USP54: variants seen among roughly 807,000 people sequenced by gnomAD.
The protein encoded by USP54 is ubiquitin carboxyl-terminal hydrolase 54.
USP54 carries 87 observed loss-of-function variants against 170.5 expected under a neutral mutation model. The ratio of observed to expected loss-of-function variants is 0.51; its 90% CI spans 0.43 to 0.61. The LOEUF is 0.61. Among genes scored for constraint, USP54 ranks in the 20% least tolerant of loss-of-function variants. The pLI is 0.00. For synonymous variants in USP54, 655 were observed against 742.8 expected (o/e 0.88, Z 1.92); for missense variants, 1,786 against 2,047.8 (o/e 0.87, Z 2.47).
At position 73,500,664 on chromosome 10, in the gene USP54, T is replaced by C. The variant is rs758188274; in HGVS notation, c.4486A>G (p.Arg1496Gly). The C allele has an allele frequency of 1.9e-5, 31 of 1,598,184 alleles. No homozygotes were observed. The Middle Eastern group carries it at 6.6e-4, about 34-fold the overall frequency. The change falls in exon 23 of 24, where the codon AGA (arginine) becomes GGA (glycine). Residue 1496 changes from arginine to glycine, a missense_variant. Arg to Gly is a moderately radical substitution (Grantham distance 125). This residue lies in a region of USP54 where 1,418 missense variants were observed against 1,569.0 expected (regional missense o/e 0.90). Coordinates refer to ENST00000687698, the MANE Select transcript of USP54 (RefSeq NM_001391956.1). ...LMPTMAGEPNRLPGTSRSVQQ... is the reference protein window; with the variant it reads ...LMPTMAGEPNGLPGTSRSVQQ... The stretch of plus-strand genomic sequence containing the variant: ...GATTTGGGGGAGTTACCTGGGAGTC[T>C]ATTGGGCTCCCCTGCCATGGTGGGC...
chr10:73,620,499 T>C (rs942432518), intron 1 of USP54, among the ~76,000 whole-genome samples: 3 of 146,694 alleles, frequency 2.0e-5, no homozygotes, highest in Admixed American at 6.7e-5. Context: ...TTTTTTTTTT[T>C]CTCAGTAGAA....
intron 4 of USP54, among the ~76,000 whole-genome samples, chr10:73,565,134 T>TATC (rs150356327): frequency 0.035 from 5,350 of 152,188 alleles, 152 homozygotes; most frequent in South Asian, 0.12. Context: ...TAATCAGTAG[T>TATC]ATCCCTACTT....
chr10:73,533,549 A>AT (rs201338922), intron 12 of USP54, among the ~76,000 whole-genome samples: 3 of 150,718 alleles, frequency 2.0e-5, no homozygotes, highest in African/African-American at 4.9e-5. Flanking sequence ...AATTCTTGAT[A>AT]TTTAAAAAAA....
intron 1 of USP54, among the ~76,000 whole-genome samples, chr10:73,578,539 G>A (rs2076430600): frequency 6.6e-6 from 1 of 152,142 alleles, no homozygotes; most frequent in African/African-American, 2.4e-5. Context: ...AGCCTCCCGA[G>A]TAGCTGGGAT....
chr10:73,588,600 C>A (rs191323174), intron 1 of USP54, among the ~76,000 whole-genome samples: 1 of 152,202 alleles, frequency 6.6e-6, no homozygotes, highest in South Asian at 2.1e-4. Flanking sequence ...TCTAACTATT[C>A]TTTCCTCTCT....
chr10:73,534,817 A>G, intron 11 of USP54, 47 bp from the exon 12 acceptor site: 1 of 1,564,070 alleles, frequency 6.4e-7, no homozygotes, highest in Non-Finnish European at 8.7e-7. Flanking sequence ...GAAACAGAAC[A>G]GTAGCAAAGA....
rs1011173223 is a variant in USP54 at position 73,549,754 on chromosome 10, C to T, written c.241-4082G>A. Among the ~76,000 whole-genome samples the T allele has an allele frequency of 1.4e-4, 21 of 152,312 alleles. 1 individual carries two copies. The South Asian group carries it at 1.9e-3, about 14-fold the overall frequency. ...GTTTCCTGACTGATCCCCTTGTCTC[C>T]CTGCAGAAACACACAGCAGACAAAT... On this transcript the variant is annotated intron_variant, in intron 4 of 23. Transcript: ENST00000687698.
chr10:73,504,754 A>ACAACCTT (rs1186873473), intron 22 of USP54, 96 bp downstream of exon 22: 1 of 1,540,682 alleles, frequency 6.5e-7, no homozygotes, highest in Non-Finnish European at 8.9e-7. Flanking sequence ...TCCTCACATT[A>ACAACCTT]CAACCTTCAC....
intron 20 of USP54, among the ~76,000 whole-genome samples, chr10:73,512,213 C>T (rs561956686): frequency 1.3e-5 from 2 of 152,002 alleles, no homozygotes; most frequent in South Asian, 2.1e-4. Flanking sequence ...GACCACAGCT[C>T]GCCGCAGCCT....
chr10:73,600,191 G>A (rs905268196), intron 1 of USP54, among the ~76,000 whole-genome samples: 14 of 152,086 alleles, frequency 9.2e-5, no homozygotes, highest in African/African-American at 3.4e-4. Flanking sequence ...GAGCAACCGC[G>A]CCCGGCCCAA....
chr10:73,598,531 T>G (rs1431099015), intron 1 of USP54, among the ~76,000 whole-genome samples: 1 of 151,948 alleles, frequency 6.6e-6, no homozygotes, highest in Non-Finnish European at 1.5e-5. Context: ...ACTCCCAGCA[T>G]TTTGGGAGGC....
In USP54 at chr10:73,516,539, T is replaced by C. The variant is rs770736578; in HGVS notation, c.3887A>G (p.Tyr1296Cys). The C allele has an allele frequency of 4.3e-6, 7 of 1,614,186 alleles. No individual in the cohort carries two copies. Among genetic ancestry groups the C allele is most frequent in the Non-Finnish European group, 5.1e-6 (6 of 1,180,028 alleles). ...SPHDSHTCVT[Y>C]PERNHILLHP... ...CAAAAGGATGTGATTTCTCTCTGGA[T>C]AGGTTACACACGTATGGGAATCATG... The change falls in exon 20 of 24, where the codon TAT becomes TGT. Residue 1296 changes from tyrosine to cysteine, a missense_variant. By Grantham distance (194) the Tyr-to-Cys change is radical. Around this residue, in one of 3 missense-constraint regions of USP54, gnomAD observed 1,418 missense variants for 1,569.0 expected, o/e 0.90. Transcript: ENST00000687698.
chr10:73,525,255 T>C (rs1277774153), intron 16 of USP54, among the ~76,000 whole-genome samples: 1 of 152,206 alleles, frequency 6.6e-6, no homozygotes, highest in African/African-American at 2.4e-5. Context: ...ATTATTGAAT[T>C]ACTGGACTTG....
chr10:73,531,102 A>G (rs1378903065), intron 12 of USP54, among the ~76,000 whole-genome samples: 1 of 152,098 alleles, frequency 6.6e-6, no homozygotes, highest in African/African-American at 2.4e-5. Flanking sequence ...GTTCGAGACC[A>G]GACTGACCAA....
rs565471535 is a variant in USP54 at position 73,542,655 on chromosome 10, C to T, written c.572+148G>A. ...TGGAGGCAGGAGAATCGCTTGAACC[C>T]AGGAGGCGGAGGTTGCAGTAAGCCG... On this transcript the variant is annotated intron_variant, in intron 7 of 23. Transcript: ENST00000687698. 33 of 701,712 alleles carry T rather than the reference C, an allele frequency of 4.7e-5. No homozygotes were observed. In the African/African-American group the frequency reaches 5.6e-4, roughly 12 times the overall value. The allele number at this position is 701,712 out of a possible 1,614,324, so 43.5% of individuals were successfully genotyped here.
Position 73,523,664 on chromosome 10 carries a change from G to A in USP54, c.2281C>T (p.Arg761Trp), listed in dbSNP as rs779238705. ...TTCGCTGCCTCTAACTCCTTCTCCC[G>A]TTTTCTTCGAAGTTCCTGTTCCTGC... is the stretch of plus-strand genomic sequence containing the variant. Reference protein sequence around the residue: ...RAQEQELRRKREKELEAAKGF... With the variant: ...RAQEQELRRKWEKELEAAKGF... Residue 761 changes from arginine to tryptophan, a missense_variant, in exon 17 of 24, where the codon CGG becomes TGG. Arg to Trp is a moderately radical substitution (Grantham distance 101, BLOSUM62 -3). Around this residue, in one of 3 missense-constraint regions of USP54, gnomAD observed 1,418 missense variants for 1,569.0 expected, o/e 0.90. Transcript: ENST00000687698. The A allele has an allele frequency of 8.1e-6, 13 of 1,613,686 alleles. No individual in the cohort carries two copies. The highest frequency in any genetic ancestry group is 2.2e-5 in the East Asian group (1 of 44,870).
intron 21 of USP54, 132 bp downstream of exon 21, chr10:73,505,176 T>TA (rs2058886561): frequency 8.1e-7 from 1 of 1,231,678 alleles, no homozygotes; most frequent in Non-Finnish European, 1.1e-6. Flanking sequence ...AGCCCAATCA[T>TA]AGACCTTATT....
At position 73,620,936 on chromosome 10, in the gene USP54, G is replaced by A. The variant is rs891512250; in HGVS notation, c.-18+4631C>T. ...TTTGGGAGGCTGAGGCGGGTGGATC[G>A]CCCAAGGTCAGGAGTTGGAGACCAC... On this transcript the variant is annotated intron_variant, in intron 1 of 22. Transcript: ENST00000339859. Among the ~76,000 whole-genome samples, 31 of 149,178 alleles carry A rather than the reference G, an allele frequency of 2.1e-4. 1 individual carries two copies. The highest frequency in any genetic ancestry group is 2.0e-3 in the Admixed American group (30 of 15,106).
At chr10:73,592,471 C>CAAA (rs367984467), upstream of USP54, among the ~76,000 whole-genome samples, 38 of 67,068 alleles carry the variant, frequency 5.7e-4, no homozygotes, top group African/African-American at 6.1e-4. Flanking sequence ...GAAAGTGCCA[C>CAAA]AAAAAAAAAA....
Sources: allele counts gnomAD v4.1 joint callset (sites outside exome capture counted in the v4.1 genomes callset), GRCh38; gene constraint gnomAD v4.1.1; regional missense constraint gnomAD v4.1.1; transcripts MANE v1.5; gene names NCBI Gene and HGNC (gene_info 2026-07-23, HGNC 2026-07-21).